The following SNX29 variants were observed in gnomAD, a reference collection of about 807,000 sequenced individuals.
The protein encoded by SNX29 is sorting nexin-29.
A neutral mutation model predicts 102.1 loss-of-function variants in SNX29; 78 were observed. That is an observed-to-expected ratio of 0.76 (90% confidence interval 0.64 to 0.92). The LOEUF is 0.92. Ranked by LOEUF, SNX29 falls within the 40% of genes least tolerant of loss-of-function variation. The pLI, the probability that SNX29 is intolerant of heterozygous loss-of-function variation, is 0.00. For synonymous variants in SNX29, 580 were observed against 414.5 expected, an observed-to-expected ratio of 1.40 and a Z score of -4.85; for missense variants, 1,280 against 1,061.7, an observed-to-expected ratio of 1.21 and a Z score of -2.86.
At chr16:12,032,048 C>G (rs894799643) in intron 4 of SNX29, among the ~76,000 whole-genome samples, 11 of 152,272 alleles carry the variant, frequency 7.2e-5, no homozygotes, top group Admixed American at 7.2e-4. Context: ...AGCCAGCATT[C>G]TACTTTCTGC....
chr16:12,495,309 G>A (rs3865109), intron 19 of SNX29, among the ~76,000 whole-genome samples: 89,050 of 151,858 alleles, frequency 0.59, 27,761 homozygotes, highest in African/African-American at 0.8. Context: ...GCACCACCAC[G>A]TCCAGCTAGT....
At chr16:12,144,676 G>C (rs1025773868) in intron 13 of SNX29, among the ~76,000 whole-genome samples, 2 of 152,232 alleles carry the variant, frequency 1.3e-5, no homozygotes, top group African/African-American at 4.8e-5. Context: ...CCCAGCCTCA[G>C]GTATTCGGTT....
At chr16:12,086,662 G>A (rs68135515) in intron 11 of SNX29, 50,489 of 151,936 alleles carry the variant, frequency 0.33, 8,804 homozygotes, top group Admixed American at 0.4. Flanking sequence ...TAATCCTCCC[G>A]CCTCAGCCTC....
At chr16:12,294,882 T>G (rs1360223777) in intron 15 of SNX29, among the ~76,000 whole-genome samples, 2 of 151,586 alleles carry the variant, frequency 1.3e-5, no homozygotes, top group African/African-American at 4.8e-5. Context: ...TATCTGAGAC[T>G]GGGTAATTTA....
chr16:11,978,891 C>T (rs887039828), intron 1 of SNX29, among the ~76,000 whole-genome samples: 1 of 151,968 alleles, frequency 6.6e-6, no homozygotes, highest in Non-Finnish European at 1.5e-5. Flanking sequence ...AGCCACTGCA[C>T]TCCAGCCTGG....
chr16:12,548,047 A>AC (rs1368420290), intron 20 of SNX29, among the ~76,000 whole-genome samples: 2 of 152,014 alleles, frequency 1.3e-5, no homozygotes, highest in African/African-American at 4.8e-5. Flanking sequence ...GGCAAGCACC[A>AC]CCCCTGGCAC....
intron 15 of SNX29, among the ~76,000 whole-genome samples, chr16:12,282,895 G>T (rs904228685): frequency 6.6e-6 from 1 of 152,220 alleles, no homozygotes; most frequent in African/African-American, 2.4e-5. Flanking sequence ...AACCTTAGGT[G>T]ATCCGCCTGC....
intron 3 of SNX29, among the ~76,000 whole-genome samples, chr16:12,023,160 G>A (rs975272371): frequency 2.0e-5 from 3 of 152,064 alleles, no homozygotes; most frequent in African/African-American, 7.2e-5. Flanking sequence ...GCCTCCCAAA[G>A]TGCTGGTATT....
At chr16:12,182,733 C>G (rs1293358266) in intron 13 of SNX29, among the ~76,000 whole-genome samples, 2 of 151,886 alleles carry the variant, frequency 1.3e-5, no homozygotes, top group African/African-American at 4.8e-5. Flanking sequence ...AGTTCGAGAC[C>G]AGCCTGACCA....
At chr16:12,431,442 T>TTTTG (rs2085312094) in intron 18 of SNX29, among the ~76,000 whole-genome samples, 3 of 152,056 alleles carry the variant, frequency 2.0e-5, no homozygotes, top group East Asian at 1.9e-4. Context: ...TTCTTTTTTT[T>TTTTG]TTTTTGTTTT....
chr16:12,231,822 A>G (rs1164886216), intron 14 of SNX29, among the ~76,000 whole-genome samples: 1 of 152,242 alleles, frequency 6.6e-6, no homozygotes, highest in African/African-American at 2.4e-5. Context: ...CCAGTAGGCA[A>G]AAACCTAGCT....
chr16:12,487,447 A>G (rs746008485), intron 19 of SNX29, among the ~76,000 whole-genome samples: 12 of 152,190 alleles, frequency 7.9e-5, no homozygotes, highest in Non-Finnish European at 1.3e-4. Context: ...TAAAGTGTTT[A>G]TAGATGAGGA....
At chr16:12,197,521 A>G (rs1053543220) in intron 13 of SNX29, among the ~76,000 whole-genome samples, 21 of 152,204 alleles carry the variant, frequency 1.4e-4, no homozygotes, top group African/African-American at 5.1e-4. Flanking sequence ...CAGTGAGCCG[A>G]GATCATGCTA....
intron 4 of SNX29, among the ~76,000 whole-genome samples, chr16:12,030,486 T>G (rs916999273): frequency 6.6e-5 from 10 of 152,206 alleles, no homozygotes; most frequent in African/African-American, 2.2e-4. Flanking sequence ...CTCCCTCTTC[T>G]CTGCCCCAAA....
At chr16:12,541,829 CCT>C (rs529199835) in intron 20 of SNX29, among the ~76,000 whole-genome samples, 183 of 152,220 alleles carry the variant, frequency 1.2e-3, no homozygotes, top group African/African-American at 4.2e-3. Flanking sequence ...CGCCTCTTCC[CCT>C]CTTCTCCCAG....
At chr16:12,459,887 C>G (rs1373180437) in intron 18 of SNX29, among the ~76,000 whole-genome samples, 1 of 152,172 alleles carries the variant, frequency 6.6e-6, no homozygotes, top group Non-Finnish European at 1.5e-5. Context: ...TCCTGGTAAT[C>G]AAAGAGTCTG....
intron 15 of SNX29, among the ~76,000 whole-genome samples, chr16:12,279,379 G>T (rs925468411): frequency 1.3e-5 from 2 of 151,706 alleles, no homozygotes; most frequent in Non-Finnish European, 2.9e-5. Context: ...GAAACAGCTT[G>T]CATTCTAACT....
intron 14 of SNX29, among the ~76,000 whole-genome samples, chr16:12,228,895 G>C (rs1052024350): frequency 6.6e-6 from 1 of 152,222 alleles, no homozygotes; most frequent in Non-Finnish European, 1.5e-5. Flanking sequence ...TGCGGGGCAG[G>C]CTGCCTCCCT....
At chr16:12,135,113 A>G (rs900167471) in intron 13 of SNX29, among the ~76,000 whole-genome samples, 7 of 152,058 alleles carry the variant, frequency 4.6e-5, no homozygotes, top group African/African-American at 1.4e-4. Flanking sequence ...TTTTTCTTCT[A>G]CTCAGGCCCT....
Sources: gnomAD v4.1 joint callset for allele counts (sites outside exome capture counted in the v4.1 genomes callset) on GRCh38, gnomAD v4.1.1 for gene constraint, MANE v1.5 for transcripts, NCBI Gene and HGNC (gene_info 2026-07-23, HGNC 2026-07-21) for gene names.